Variants in FAM107B observed in about 807,000 individuals in gnomAD.
FAM107B encodes the protein protein FAM107B.
In FAM107B, 21 loss-of-function variants were observed where a neutral mutation model predicts 31.5. The ratio of observed to expected loss-of-function variants is 0.67; its 90% CI spans 0.47 to 0.96. The LOEUF (loss-of-function observed/expected upper bound fraction) is 0.96, where lower values mean the gene tolerates loss of function less well. Ranked by LOEUF, FAM107B falls within the 40% of genes least tolerant of loss-of-function variation. The pLI, the probability that FAM107B is intolerant of heterozygous loss-of-function variation, is 0.00. For missense variants in FAM107B, 452 were observed against 377.1 expected (o/e 1.20, Z -1.64); for synonymous variants, 157 against 141.5 (o/e 1.11, Z -0.78).
At chr10:14,683,248 G>C (rs1170014300) in intron 1 of FAM107B, among the ~76,000 whole-genome samples, 4 of 152,176 alleles carry the variant, frequency 2.6e-5, no homozygotes, top group Non-Finnish European at 5.9e-5. Flanking sequence ...GGAAAGAAAA[G>C]TTATTGAATA....
chr10:14,617,044 A>T (rs1000171930), intron 2 of FAM107B, among the ~76,000 whole-genome samples: 1 of 152,178 alleles, frequency 6.6e-6, no homozygotes, highest in Non-Finnish European at 1.5e-5. Flanking sequence ...GAGCAATAGG[A>T]GAAAAGAGAG....
At chr10:14,674,490 G>A (rs1461745102) in intron 1 of FAM107B, among the ~76,000 whole-genome samples, 2 of 152,104 alleles carry the variant, frequency 1.3e-5, no homozygotes, top group African/African-American at 2.4e-5. Context: ...TTTCTCTGCA[G>A]TCTAGAGAGA....
chr10:14,749,954 G>C (rs12240426), intron 1 of FAM107B, among the ~76,000 whole-genome samples: 9,397 of 152,252 alleles, frequency 0.062, 776 homozygotes, highest in African/African-American at 0.18. Flanking sequence ...CGCCAGGAAG[G>C]CTGCCATGCA....
At chr10:14,707,609 G>A (rs981244092) in intron 1 of FAM107B, among the ~76,000 whole-genome samples, 14 of 152,192 alleles carry the variant, frequency 9.2e-5, no homozygotes, top group African/African-American at 3.4e-4. Context: ...CTGGTCTCAT[G>A]GGACAGATTC....
At chr10:14,622,097 A>T (rs11259233) in intron 2 of FAM107B, among the ~76,000 whole-genome samples, 23,726 of 152,068 alleles carry the variant, frequency 0.16, 2,275 homozygotes, top group East Asian at 0.44. Context: ...CCATCAACAC[A>T]TTTAATAAAG....
At chr10:14,592,957 T>C (rs1487224520) in intron 2 of FAM107B, among the ~76,000 whole-genome samples, 1 of 152,168 alleles carries the variant, frequency 6.6e-6, no homozygotes, top group East Asian at 1.9e-4. Context: ...GTCGTGAGGA[T>C]TTCTAACTGG....
chr10:14,734,488 G>GTTTTTTTTTTTTTTTT (rs74521923), intron 1 of FAM107B, among the ~76,000 whole-genome samples: 1 of 138,560 alleles, frequency 7.2e-6, no homozygotes, highest in African/African-American at 2.7e-5. Context: ...TTTTTGTGAG[G>GTTTTTTTTTTTTTTTT]TTTTTTTTTT....
At chr10:14,718,059 G>A (rs760114950) in intron 1 of FAM107B, among the ~76,000 whole-genome samples, 5 of 152,202 alleles carry the variant, frequency 3.3e-5, no homozygotes, top group African/African-American at 4.8e-5. Context: ...AGGCATGGTG[G>A]CTCACGCCTG....
At chr10:14,598,109 T>C in intron 2 of FAM107B, among the ~76,000 whole-genome samples, 1 of 152,348 alleles carries the variant, frequency 6.6e-6, no homozygotes, top group East Asian at 1.9e-4. Context: ...CCAACATTTT[T>C]CCCCATTCCA....
At chr10:14,643,591 G>A (rs964245039) in intron 2 of FAM107B, among the ~76,000 whole-genome samples, 1 of 152,050 alleles carries the variant, frequency 6.6e-6, no homozygotes, top group Non-Finnish European at 1.5e-5. Flanking sequence ...TGTATTTTCA[G>A]TAGAGACAGG....
intron 2 of FAM107B, among the ~76,000 whole-genome samples, chr10:14,664,087 G>C (rs921782134): frequency 3.3e-5 from 5 of 151,956 alleles, no homozygotes; most frequent in Non-Finnish European, 7.4e-5. Flanking sequence ...CCTCCAGCTG[G>C]GTTTCTTTCA....
intron 1 of FAM107B, among the ~76,000 whole-genome samples, chr10:14,736,439 A>G (rs1341301527): frequency 6.6e-6 from 1 of 152,222 alleles, no homozygotes; most frequent in Non-Finnish European, 1.5e-5. Flanking sequence ...GGGACAAGCC[A>G]AACTGTTTGG....
intron 2 of FAM107B, among the ~76,000 whole-genome samples, chr10:14,628,133 T>TTTTTTTTTTTG (rs1853220888): frequency 7.1e-6 from 1 of 141,776 alleles, no homozygotes; most frequent in Admixed American, 7.1e-5. Context: ...TTTTTTTTTT[T>TTTTTTTTTTTG]GAGATGGAGT....
intron 2 of FAM107B, among the ~76,000 whole-genome samples, chr10:14,650,335 C>T (rs1588682608): frequency 6.6e-6 from 1 of 151,976 alleles, no homozygotes; most frequent in Admixed American, 6.6e-5. Context: ...CTCTGTCACC[C>T]AGGCTGGAGT....
chr10:14,619,732 C>A (rs920887202), intron 2 of FAM107B, among the ~76,000 whole-genome samples: 25 of 74,372 alleles, frequency 3.4e-4, no homozygotes, highest in South Asian at 1.4e-3. Flanking sequence ...AAAAAAAAAA[C>A]CTTTGCCCAA....
At chr10:14,536,157 T>C (rs1847581580) in intron 2 of FAM107B, among the ~76,000 whole-genome samples, 1 of 152,230 alleles carries the variant, frequency 6.6e-6, no homozygotes, top group South Asian at 2.1e-4. Flanking sequence ...GATTTAAAAA[T>C]CAGAATTTAC....
rs370711969 is a variant in FAM107B at position 14,635,091 on chromosome 10, CA to C, written c.469+32542del. ...GGGCAAGAGAGAGAGAACCTATCTC[CA>C]AAAAAAAGAAAAGAAAAAAAAAAAG... On this transcript the variant is annotated intron_variant, in intron 2 of 4. Transcript: ENST00000181796. Among the ~76,000 whole-genome samples the C allele has an allele frequency of 7.4e-5, 4 of 53,978 alleles. No homozygotes were observed. The East Asian group carries it at 1.7e-3, about 23-fold the overall frequency. The allele number at this position is 53,978 out of a possible 152,430, so 35.4% of individuals were successfully genotyped here. A position where few individuals can be genotyped will look rare whatever the true frequency, so the allele number is the denominator to read the frequency against.
chr10:14,637,852 C>T (rs1853539374), intron 2 of FAM107B, among the ~76,000 whole-genome samples: 1 of 152,154 alleles, frequency 6.6e-6, no homozygotes, highest in South Asian at 2.1e-4. Flanking sequence ...ATCTTACCTA[C>T]ACCTGCAAAG....
chr10:14,619,865 A>C (rs1255399511), intron 2 of FAM107B, among the ~76,000 whole-genome samples: 1 of 151,902 alleles, frequency 6.6e-6, no homozygotes. Context: ...CAATGGTGTA[A>C]AGGTTGAATT....
Sources: allele counts gnomAD v4.1 joint callset (sites outside exome capture counted in the v4.1 genomes callset), GRCh38; gene constraint gnomAD v4.1.1; transcripts MANE v1.5; gene names NCBI Gene and HGNC (gene_info 2026-07-23, HGNC 2026-07-21).